The following HERC1 variants were observed in gnomAD, a reference collection of about 807,000 sequenced individuals.
The protein encoded by HERC1 is HECT and RLD domain containing E3 ubiquitin protein ligase family member 1.
Under a neutral mutation model 554.3 loss-of-function variants are expected in HERC1, and 160 were observed. The ratio of observed to expected loss-of-function variants is 0.29; its 90% CI spans 0.25 to 0.33. The LOEUF (loss-of-function observed/expected upper bound fraction) is 0.33. HERC1 is among the 10% of genes least tolerant of loss of function. HERC1 has a pLI of 1.00. For missense variants in HERC1, 4,919 were observed against 5,918.5 expected, an observed-to-expected ratio of 0.83 and a Z score of 5.54; for synonymous variants, 2,175 against 2,131.7, an observed-to-expected ratio of 1.02 and a Z score of -0.56.
intron 54 of HERC1, among the ~76,000 whole-genome samples, chr15:63,649,221 C>T (rs922499142): frequency 6.6e-5 from 10 of 152,148 alleles, no homozygotes; most frequent in African/African-American, 7.2e-5. Flanking sequence ...GGCGTGGTGG[C>T]GAGTGCCTGT....
At position 63,758,405 on chromosome 15, in the gene HERC1, G is replaced by A; in HGVS notation, c.1027-36C>T. On this transcript the variant is annotated intron_variant, in intron 3 of 77. Transcript: ENST00000443617. This position sits in a 1 kb window ranked among gnomAD's most constrained non-coding sequence, Gnocchi z 4.0. ...TTTAAAATATGCAACAAATAGTCAA[G>A]ACAGTTTTAGTCTGGGCATTTTTTA... The A allele has an allele frequency of 6.7e-7, 1 of 1,487,308 alleles. No homozygotes were observed. The highest frequency in any genetic ancestry group is 1.2e-5 in the South Asian group (1 of 80,300). The allele number at this position is 1,487,308 out of a possible 1,614,324, so 92.1% of individuals were successfully genotyped here.
In HERC1 at chr15:63,654,307, T is replaced by G. The variant is rs2069881443; in HGVS notation, c.10102A>C (p.Asn3368His). The change falls in exon 51 of 78, where the codon AAT becomes CAT. Residue 3368 changes from asparagine (N) to histidine (H), a missense_variant. By Grantham distance (68) the Asn-to-His change is moderately conservative. Coordinates refer to ENST00000443617, the MANE Select transcript of HERC1 (RefSeq NM_003922.4). ...VEKKGPLELA[N>H]ALAACCLSSR... ...GAGAGGCAGCAGGCTGCCAGGGCAT[T>G]AGCCAACTCCAGAGGGCCTACAGCA... 6.2e-7 allele frequency: 1 copy of G among 1,613,462 alleles called. No homozygotes were observed. Among genetic ancestry groups the G allele is most frequent in the Non-Finnish European group, 8.5e-7 (1 of 1,179,590 alleles).
In HERC1 at chr15:63,676,247, A is replaced by C. The variant is rs141538304; in HGVS notation, c.7071-1130T>G. Among the ~76,000 whole-genome samples the C allele has an allele frequency of 3.7e-3, 560 of 152,294 alleles. 3 individuals carry two copies. Among genetic ancestry groups the C allele is most frequent in the Middle Eastern group, 0.014 (4 of 294 alleles). ...GGCATCATAAATCCTTTCTGAAACA[A>C]GGCAAAGAATGAGAGGAAAGGTCGA... On this transcript the variant is annotated intron_variant, in intron 37 of 77. Transcript: ENST00000443617.
At chr15:63,662,888 AGT>A in intron 44 of HERC1, 94 bp downstream of exon 44, 1 of 865,450 alleles carries the variant, frequency 1.2e-6, no homozygotes, top group East Asian at 2.6e-5. Context: ...GACTTTTTAG[AGT>A]GTTTCAACTC....
rs972910492 is a variant in HERC1 at position 63,678,135 on chromosome 15, C to T, written c.6780G>A (p.Ser2260=). The T allele has an allele frequency of 6.2e-6, 10 of 1,613,868 alleles. No individual in the cohort carries two copies. In the East Asian group the frequency reaches 6.7e-5, roughly 11 times the overall value. Reference sequence around the variant, plus strand: ...TTTCATTTTCCTCTCGGCTCTGAACCGAGCGGCTTTTCTTTAGCTTCTGAC... The same window carrying T: ...TTTCATTTTCCTCTCGGCTCTGAACTGAGCGGCTTTTCTTTAGCTTCTGAC... ...ESGQKLKKSR[S]VQSREENEMR... is the part of the protein sequence containing the mutation. Residue 2260 remains serine (S), a synonymous_variant, in exon 37 of 78, where the codon TCG becomes TCA. Coordinates refer to ENST00000443617, the MANE Select transcript of HERC1 (RefSeq NM_003922.4).
chr15:63,749,728 G>T lies in HERC1; in HGVS notation c.1966C>A (p.Pro656Thr). The T allele has an allele frequency of 6.3e-7, 1 of 1,583,308 alleles. No homozygotes were observed. The highest frequency in any genetic ancestry group is 8.6e-7 in the Non-Finnish European group (1 of 1,163,898). The change falls in exon 9 of 78, where the codon CCC (proline) becomes ACC (threonine). Residue 656 changes from proline (P) to threonine (T), a missense_variant. This residue lies in a region of HERC1 where 744 missense variants were observed against 1,090.0 expected (regional missense o/e 0.68). Transcript: ENST00000443617. The surrounding 1 kb of genome is among the most constrained non-coding windows in gnomAD (Gnocchi z 4.1). Reference protein sequence around the residue: ...CGSSEATALRPKLIEELAATR... With the variant: ...CGSSEATALRTKLIEELAATR... ...GCAGCCAGTTCTTCAATAAGCTTGGGTCTCAAAGCAGTAGCTTCTGAAGAA... is the reference window on the plus strand; with the variant it reads ...GCAGCCAGTTCTTCAATAAGCTTGGTTCTCAAAGCAGTAGCTTCTGAAGAA...
In HERC1 at chr15:63,658,572, T is replaced by C. The variant is rs1199732408; in HGVS notation, c.9571A>G (p.Met3191Val). The C allele has an allele frequency of 1.2e-6, 2 of 1,613,306 alleles. No individual in the cohort carries two copies. The highest frequency in any genetic ancestry group is 2.2e-5 in the East Asian group (1 of 44,876). Reference protein sequence around the residue: ...AQVLLARTMVMRALSLLSVSG... With the variant: ...AQVLLARTMVVRALSLLSVSG... The stretch of plus-strand genomic sequence containing the variant: ...ACTGAGAGAAGAGACAGCGCTCTCA[T>C]GACCATGGTTCTGGCCAGAAGAACC... The change falls in exon 48 of 78, where the codon ATG (methionine) becomes GTG (valine). Residue 3191 changes from methionine to valine, a missense_variant. This residue lies in a region of HERC1 where 1,963 missense variants were observed against 2,228.6 expected (regional missense o/e 0.88). Coordinates refer to ENST00000443617, the MANE Select transcript of HERC1 (RefSeq NM_003922.4).
intron 7 of HERC1, among the ~76,000 whole-genome samples, chr15:63,754,256 C>T (rs886926234): frequency 1.4e-4 from 21 of 151,318 alleles, no homozygotes; most frequent in African/African-American, 4.8e-4. Context: ...TGTAGGTATA[C>T]TTTGGTTTTT....
intron 38 of HERC1, among the ~76,000 whole-genome samples, chr15:63,673,490 GT>G (rs2071038944): frequency 6.6e-6 from 1 of 152,190 alleles, no homozygotes; most frequent in Non-Finnish European, 1.5e-5. Flanking sequence ...AAGGGACTTT[GT>G]TTTGTTAACT....
intron 24 of HERC1, 71 bp downstream of exon 24, chr15:63,712,704 C>A: frequency 2.1e-6 from 3 of 1,416,822 alleles, no homozygotes; most frequent in Non-Finnish European, 2.9e-6. Context: ...ATTACTTACT[C>A]TAACCAAAGC....
At chr15:63,796,252 A>C (rs1274233726) in intron 1 of HERC1, among the ~76,000 whole-genome samples, 1 of 152,250 alleles carries the variant, frequency 6.6e-6, no homozygotes, top group African/African-American at 2.4e-5. Flanking sequence ...CCTTAAGTCC[A>C]TATGCCAACA....
intron 1 of HERC1, among the ~76,000 whole-genome samples, chr15:63,798,630 T>C (rs1326698405): frequency 6.6e-6 from 1 of 152,196 alleles, no homozygotes; most frequent in Admixed American, 6.5e-5. Flanking sequence ...ACCTCTCACT[T>C]TGACCTACAA....
intron 40 of HERC1, among the ~76,000 whole-genome samples, chr15:63,668,843 C>G (rs1191772381): frequency 2.6e-5 from 4 of 152,160 alleles, no homozygotes; most frequent in African/African-American, 9.7e-5. Context: ...ACAACACTCT[C>G]TCAATAATAG....
intron 70 of HERC1, among the ~76,000 whole-genome samples, chr15:63,627,311 A>C (rs1021553823): frequency 6.6e-6 from 1 of 152,182 alleles, no homozygotes; most frequent in African/African-American, 2.4e-5. Flanking sequence ...TCTTAGGCAC[A>C]ATGTTGCTTC....
At chr15:63,782,205 G>C (rs767004781) in intron 1 of HERC1, among the ~76,000 whole-genome samples, 4 of 152,202 alleles carry the variant, frequency 2.6e-5, no homozygotes, top group Non-Finnish European at 5.9e-5. Context: ...CCTTCTATTG[G>C]AAGATGCCAT....
At chr15:63,742,487 C>G (rs2074849576) in intron 12 of HERC1, among the ~76,000 whole-genome samples, 1 of 152,070 alleles carries the variant, frequency 6.6e-6, no homozygotes, top group African/African-American at 2.4e-5. Context: ...ATTTCATTAT[C>G]TTATATAATT....
chr15:63,645,983 GTATT>G (rs1205047538), intron 55 of HERC1, among the ~76,000 whole-genome samples: 2 of 152,124 alleles, frequency 1.3e-5, no homozygotes, highest in African/African-American at 4.8e-5. Context: ...ATTAGCATTT[GTATT>G]TATTAAGAGT....
chr15:63,612,547 C>T lies in HERC1; in HGVS notation c.14104G>A (p.Val4702Ile), dbSNP rs2067644298. Residue 4702 changes from valine (V) to isoleucine (I), a missense_variant, in exon 77 of 78, where the codon GTC (valine) becomes ATC (isoleucine). Val to Ile is a conservative substitution (Grantham distance 29). Around this residue, in one of 11 missense-constraint regions of HERC1, gnomAD observed 284 missense variants for 294.1 expected, o/e 0.97. Coordinates refer to ENST00000443617, the MANE Select transcript of HERC1 (RefSeq NM_003922.4). The surrounding 1 kb of genome is among the most constrained non-coding windows in gnomAD (Gnocchi z 5.0). Reference sequence around the variant, plus strand: ...ACAATCCAGGACATCCCTTCTCGGACTGCAGCCACCTGCTCCCGGGAGAGG... The same window carrying T: ...ACAATCCAGGACATCCCTTCTCGGATTGCAGCCACCTGCTCCCGGGAGAGG... Reference protein sequence around the residue: ...LHEMDRQVAAVREGMSWIVPV... With the variant: ...LHEMDRQVAAIREGMSWIVPV... The T allele has an allele frequency of 6.2e-7, 1 of 1,612,666 alleles. No individual in the cohort carries two copies. The highest frequency in any genetic ancestry group is 8.5e-7 in the Non-Finnish European group (1 of 1,178,940).
At chr15:63,827,554 AAAG>A (rs775491764) in intron 1 of HERC1, among the ~76,000 whole-genome samples, 14 of 152,168 alleles carry the variant, frequency 9.2e-5, no homozygotes, top group Non-Finnish European at 1.6e-4. Flanking sequence ...TCCACATAAA[AAAG>A]AAGGGAACAG....
Sources: gnomAD v4.1 joint callset for allele counts (sites outside exome capture counted in the v4.1 genomes callset) on GRCh38, gnomAD v4.1.1 for gene constraint, gnomAD v4.1.1 regional missense constraint, Gnocchi (gnomAD v3.1) non-coding constraint, MANE v1.5 for transcripts, NCBI Gene and HGNC (gene_info 2026-07-23, HGNC 2026-07-21) for gene names.